HRNR: variants seen among roughly 807,000 people sequenced by gnomAD.
HRNR encodes the protein filaggrin family member 3.
Under a neutral mutation model 4.8 loss-of-function variants are expected in HRNR, and 7 were observed. That is an observed-to-expected ratio of 1.47 (90% CI 0.83 to 2.75). HRNR has a LOEUF of 2.75. Among genes scored for constraint, HRNR ranks in the 30% most tolerant of loss-of-function variants. The probability of loss-of-function intolerance (pLI) is 0.00; values close to 1 mark genes in which losing one functional copy is unlikely to be tolerated. For synonymous variants in HRNR, 1,023 were observed against 1,242.7 expected, an observed-to-expected ratio of 0.82 and a Z score of 3.72; for missense variants, 2,879 against 3,010.4, an observed-to-expected ratio of 0.96 and a Z score of 1.02.
Position 152,218,720 on chromosome 1 carries a change from C to T in HRNR, c.2909G>A (p.Ser970Asn). Reference sequence around the variant, plus strand: ...ACCTGAGCTAGATCCATGTTGTTCGCTCCTAGATGACTGTCCTGACCTAGA... The same window carrying T: ...ACCTGAGCTAGATCCATGTTGTTCGTTCCTAGATGACTGTCCTGACCTAGA... Reference protein sequence around the residue: ...HGSRSGQSSRSEQHGSSSGSS... With the variant: ...HGSRSGQSSRNEQHGSSSGSS... The change falls in exon 3 of 3, where the codon AGC (serine) becomes AAC (asparagine). Residue 970 changes from serine to asparagine, a missense_variant. Transcript: ENST00000368801. 6.8e-6 allele frequency: 11 copies of T among 1,613,592 alleles called. No individual in the cohort carries two copies. Among genetic ancestry groups the T allele is most frequent in the South Asian group, 1.1e-5 (1 of 91,032 alleles).
chr1:152,219,865 C>A lies in HRNR; in HGVS notation c.1764G>T (p.Glu588Asp), dbSNP rs768056179. Residue 588 changes from glutamate (E) to aspartate (D), a missense_variant, in exon 3 of 3, where the codon GAG (glutamate) becomes GAT (aspartate). Coordinates refer to ENST00000368801, the MANE Select transcript of HRNR (RefSeq NM_001009931.3). ...SGHSSGLGHQ[E>D]SRSGQSSGYG... ...AGCCAGAGGACTGTCCTGAGCGAGA[C>A]TCTTGGTGACCTAAGCCAGAAGAGT... 3.1e-6 allele frequency: 5 copies of A among 1,613,862 alleles called. No individual in the cohort carries two copies. The highest frequency in any genetic ancestry group is 4.5e-5 in the East Asian group (2 of 44,822).
chr1:152,219,302 G>A lies in HRNR; in HGVS notation c.2327C>T (p.Pro776Leu). ...ACTGGACCCATGTCGGACACGGCTAGGAGAGTGGCCAGATCCAGACCCTTG... is the reference window on the plus strand; with the variant it reads ...ACTGGACCCATGTCGGACACGGCTAAGAGAGTGGCCAGATCCAGACCCTTG... ...GRQGSGSGHS[P>L]SRVRHGSSSG... is the part of the protein sequence containing the mutation. The change falls in exon 3 of 3, where the codon CCT (proline) becomes CTT (leucine). Residue 776 changes from proline (P) to leucine (L), a missense_variant. By Grantham distance (98) the Pro-to-Leu change is moderately conservative. Transcript: ENST00000368801. 1 of 1,613,768 alleles carries A rather than the reference G, an allele frequency of 6.2e-7. No homozygotes were observed. The highest frequency in any genetic ancestry group is 1.1e-5 in the South Asian group (1 of 91,070).
At position 152,218,625 on chromosome 1, in the gene HRNR, C is replaced by G. The variant is rs770838563; in HGVS notation, c.3004G>C (p.Gly1002Arg). The G allele has an allele frequency of 5.0e-5, 81 of 1,613,680 alleles. 2 individuals are homozygous for G. The Middle Eastern group carries it at 6.9e-3, about 138-fold the overall frequency. Residue 1002 changes from glycine (G) to arginine (R), a missense_variant, in exon 3 of 3, where the codon GGA (glycine) becomes CGA (arginine). Around this residue, in one of 8 missense-constraint regions of HRNR, gnomAD observed 2,646 missense variants for 1,377.7 expected, o/e 1.92. Transcript: ENST00000368801. ...CTAGGGCTAGGAGACTGGCCAGATC[C>G]AGACCCATGTTGGCCGTGGCCCAAA... The part of the protein sequence containing the change: ...QSLGHGQHGS[G>R]SGQSPSPSRG...
At position 152,221,026 on chromosome 1, in the gene HRNR, C is replaced by G. The variant is rs1312786995; in HGVS notation, c.603G>C (p.Gln201His). 3.1e-6 allele frequency: 5 copies of G among 1,614,050 alleles called. No individual in the cohort carries two copies. The highest frequency in any genetic ancestry group is 4.2e-6 in the Non-Finnish European group (5 of 1,180,040). ...GRGQCGSGSG[Q>H]SPNYGQHGSG... ...AGCCGTGTTGGCCATAGTTGGGAGA[C>G]TGCCCTGACCCAGACCCACATTGGC... is the stretch of plus-strand genomic sequence containing the variant. Residue 201 changes from glutamine to histidine, a missense_variant, in exon 3 of 3, where the codon CAG (glutamine) becomes CAC (histidine). By Grantham distance (24) the Gln-to-His change is conservative. Around this residue, in one of 8 missense-constraint regions of HRNR, gnomAD observed 2,646 missense variants for 1,377.7 expected, o/e 1.92. Coordinates refer to ENST00000368801, the MANE Select transcript of HRNR (RefSeq NM_001009931.3).
chr1:152,218,975 G>T lies in HRNR; in HGVS notation c.2654C>A (p.Ser885Tyr). 6.2e-7 allele frequency: 1 copy of T among 1,608,736 alleles called. No individual in the cohort carries two copies. Among genetic ancestry groups the T allele is most frequent in the Non-Finnish European group, 8.5e-7 (1 of 1,179,898 alleles). The change falls in exon 3 of 3, where the codon TCT becomes TAT. Residue 885 changes from serine to tyrosine, a missense_variant. By Grantham distance (144) the Ser-to-Tyr change is moderately radical. Coordinates refer to ENST00000368801, the MANE Select transcript of HRNR (RefSeq NM_001009931.3). ...HHASGRGRHGSGSGQSPGHGQ... is the reference protein window; with the variant it reads ...HHASGRGRHGYGSGQSPGHGQ... The stretch of plus-strand genomic sequence containing the variant: ...GTGGCCTGGAGACTGGCCAGATCCA[G>T]AGCCATGTCGGCCGCGGCCCGAAGC...
At position 152,221,478 on chromosome 1, in the gene HRNR, G is replaced by C; in HGVS notation, c.151C>G (p.Pro51Ala). The change falls in exon 3 of 3, where the codon CCA becomes GCA. Residue 51 changes from proline (P) to alanine (A), a missense_variant. Around this residue, in one of 8 missense-constraint regions of HRNR, gnomAD observed 2,646 missense variants for 1,377.7 expected, o/e 1.92. Transcript: ENST00000368801. ...FHQILKNPNDPDTVDIILQSL... is the reference protein window; with the variant it reads ...FHQILKNPNDADTVDIILQSL... ...TGCAAGATGATATCCACAGTATCTG[G>C]ATCGTTTGGATTCTGTATAAGAGAA... The C allele has an allele frequency of 5.6e-6, 9 of 1,598,882 alleles. No homozygotes were observed. Among genetic ancestry groups the C allele is most frequent in the Non-Finnish European group, 7.7e-6 (9 of 1,171,670 alleles).
Position 152,218,477 on chromosome 1 carries a change from C to T in HRNR, c.3152G>A (p.Gly1051Asp). The part of the protein sequence containing the change: ...ESGSGHSSGL[G>D]HRESRSGQSS... Reference sequence around the variant, plus strand: ...CTGTCCTGAGCGAGACTCTCGGTGACCTAAGCCAGAAGAGTGACCGGAGCC... The same window carrying T: ...CTGTCCTGAGCGAGACTCTCGGTGATCTAAGCCAGAAGAGTGACCGGAGCC... Residue 1051 changes from glycine (G) to aspartate (D), a missense_variant, in exon 3 of 3, where the codon GGT becomes GAT. By Grantham distance (94) the Gly-to-Asp change is moderately conservative. Coordinates refer to ENST00000368801, the MANE Select transcript of HRNR (RefSeq NM_001009931.3). The T allele has an allele frequency of 1.2e-6, 2 of 1,613,616 alleles. No individual in the cohort carries two copies. Among genetic ancestry groups the T allele is most frequent in the South Asian group, 1.1e-5 (1 of 91,042 alleles).
In HRNR at chr1:152,219,744, T is replaced by C. The variant is rs1648870937; in HGVS notation, c.1885A>G (p.Thr629Ala). The change falls in exon 3 of 3, where the codon ACC becomes GCC. Residue 629 changes from threonine to alanine, a missense_variant. By Grantham distance (58) the Thr-to-Ala change is moderately conservative. Around this residue, in one of 8 missense-constraint regions of HRNR, gnomAD observed 2,646 missense variants for 1,377.7 expected, o/e 1.92. Coordinates refer to ENST00000368801, the MANE Select transcript of HRNR (RefSeq NM_001009931.3). The part of the protein sequence containing the change: ...QSSSCGQHGA[T>A]SGQSSSHGQH... ...CCGTGGCTGGAAGACTGACCTGAGGTAGCTCCATGTTGGCCACAGCTCGAT... is the reference window on the plus strand; with the variant it reads ...CCGTGGCTGGAAGACTGACCTGAGGCAGCTCCATGTTGGCCACAGCTCGAT... The C allele has an allele frequency of 3.1e-6, 5 of 1,613,148 alleles. No individual in the cohort carries two copies. The highest frequency in any genetic ancestry group is 3.3e-4 in the Middle Eastern group (2 of 6,080).
intron 1 of HRNR, 75 bp from the exon 2 acceptor site, chr1:152,223,353 AT>A: frequency 5.8e-6 from 5 of 862,470 alleles, no homozygotes; most frequent in Non-Finnish European, 8.7e-6. Flanking sequence ...AGTTCTAATT[AT>A]TTATAATAAT....
In HRNR at chr1:152,218,895, C is replaced by G. The variant is rs200577759; in HGVS notation, c.2734G>C (p.Gly912Arg). The change falls in exon 3 of 3, where the codon GGC becomes CGC. Residue 912 changes from glycine (G) to arginine (R), a missense_variant. Transcript: ENST00000368801. Reference protein sequence around the residue: ...QSPSYGRHGSGSGRSSSSGRH... With the variant: ...QSPSYGRHGSRSGRSSSSGRH... ...CCACTGCTGGAAGACCGACCGGAGC[C>G]AGACCCATGTCGGCCATAGCTGGGA... is the stretch of plus-strand genomic sequence containing the variant. 1.6e-4 allele frequency: 262 copies of G among 1,613,986 alleles called. 5 individuals carry two copies. The East Asian group carries it at 5.4e-3, about 33-fold the overall frequency.
Position 152,219,338 on chromosome 1 carries a change from C to T in HRNR, c.2291G>A (p.Gly764Asp). The change falls in exon 3 of 3, where the codon GGC (glycine) becomes GAC (aspartate). Residue 764 changes from glycine to aspartate, a missense_variant. By Grantham distance (94) the Gly-to-Asp change is moderately conservative. Coordinates refer to ENST00000368801, the MANE Select transcript of HRNR (RefSeq NM_001009931.3). ...QHGSGSHQSSGHGRQGSGSGH... is the reference protein window; with the variant it reads ...QHGSGSHQSSDHGRQGSGSGH... ...AGATCCAGACCCTTGTCGGCCGTGG[C>T]CCGAAGATTGATGGGAGCCCGACCC... The T allele has an allele frequency of 6.2e-7, 1 of 1,613,564 alleles. No individual in the cohort carries two copies. Among genetic ancestry groups the T allele is most frequent in the East Asian group, 2.2e-5 (1 of 44,810 alleles).
At position 152,212,359 on chromosome 1, in the gene HRNR, A is replaced by C. The variant is rs1430379338; in HGVS notation, c.*717T>G. 2.0e-5 allele frequency: 3 copies of C among 152,136 alleles called. No homozygotes were observed. Among genetic ancestry groups the C allele is most frequent in the African/African-American group, 7.2e-5 (3 of 41,420 alleles). The allele number at this position is 152,136 out of a possible 1,614,324, so 9.4% of individuals were successfully genotyped here. On this transcript the variant is annotated 3_prime_UTR_variant, in exon 3 of 3. Transcript: ENST00000368801. Reference sequence around the variant, plus strand: ...GAGCAAGATCTTTCTGCTGAAAACAAGCTAAAGCCCACATTTGAATGTTTT... The same window carrying C: ...GAGCAAGATCTTTCTGCTGAAAACACGCTAAAGCCCACATTTGAATGTTTT...
Position 152,212,819 on chromosome 1 carries a change from AG to A in HRNR, c.*256del. On this transcript the variant is annotated 3_prime_UTR_variant, in exon 3 of 3. Coordinates refer to ENST00000368801, the MANE Select transcript of HRNR (RefSeq NM_001009931.3). ...TTAAAAGCTTTTCATTATTCCTCAAAGTTTAACCCTCATTCTAACAAGTTAT... is the reference window on the plus strand; with the variant it reads ...TTAAAAGCTTTTCATTATTCCTCAAATTTAACCCTCATTCTAACAAGTTAT... 1.9e-6 allele frequency: 1 copy of A among 534,176 alleles called. No individual in the cohort carries two copies. Among genetic ancestry groups the A allele is most frequent in the East Asian group, 3.3e-5 (1 of 29,988 alleles). 33.1% of individuals were successfully genotyped at this position (534,176 alleles called of 1,614,324 possible).
In HRNR at chr1:152,218,494, A is replaced by G. The variant is rs1378675677; in HGVS notation, c.3135T>C (p.Gly1045=). 3 of 1,613,394 alleles carry G rather than the reference A, an allele frequency of 1.9e-6. No individual in the cohort carries two copies. Among genetic ancestry groups the G allele is most frequent in the Admixed American group, 1.7e-5 (1 of 59,984 alleles). ...CTCGGTGACCTAAGCCAGAAGAGTG[A>G]CCGGAGCCAGACTCATATGGGCCAC... ...SSRGPYESGS[G]HSSGLGHRES... The change falls in exon 3 of 3, where the codon GGT becomes GGC. Residue 1045 remains glycine (G), a synonymous_variant. Transcript: ENST00000368801.
In HRNR at chr1:152,219,655, C is replaced by T; in HGVS notation, c.1974G>A (p.Gln658=). The change falls in exon 3 of 3, where the codon CAG becomes CAA. Residue 658 remains glutamine, a synonymous_variant. Transcript: ENST00000368801. ...ACCCATGTCGGCCGCGACTAGGAGA[C>T]TGGCCAGATCCAGAGCCCTGTTGGC... ...RYGQQGSGSG[Q]SPSRGRHGSD... 8 of 1,613,082 alleles carry T rather than the reference C, an allele frequency of 5.0e-6. No individual in the cohort carries two copies. The highest frequency in any genetic ancestry group is 6.8e-6 in the Non-Finnish European group (8 of 1,179,404).
chr1:152,223,307 C>A, intron 1 of HRNR, 29 bp from the exon 2 acceptor site: 1 of 1,356,440 alleles, frequency 7.4e-7, no homozygotes, highest in Admixed American at 2.0e-5. Context: ...GAGACCAACC[C>A]CTTACTATTC....
chr1:152,220,123 A>C lies in HRNR; in HGVS notation c.1506T>G (p.Ser502=). The C allele has an allele frequency of 6.2e-7, 1 of 1,613,326 alleles. No individual in the cohort carries two copies. The highest frequency in any genetic ancestry group is 8.5e-7 in the Non-Finnish European group (1 of 1,179,518). ...CACTAGATCCTTGTCGTTCACCCCT[A>C]GATGACTGTCCTGACCTAGAGCCGT... is the stretch of plus-strand genomic sequence containing the variant. The part of the protein sequence containing the change: ...GQHGSRSGQS[S]RGERQGSSAG... Residue 502 remains serine, a synonymous_variant, in exon 3 of 3, where the codon TCT becomes TCG. Coordinates refer to ENST00000368801, the MANE Select transcript of HRNR (RefSeq NM_001009931.3).
chr1:152,220,537 A>T lies in HRNR; in HGVS notation c.1092T>A (p.His364Gln), dbSNP rs765482568. Residue 364 changes from histidine (H) to glutamine (Q), a missense_variant, in exon 3 of 3, where the codon CAT (histidine) becomes CAA (glutamine). His to Gln is a conservative substitution (Grantham distance 24, BLOSUM62 0). This residue lies in a region of HRNR where 2,646 missense variants were observed against 1,377.7 expected (regional missense o/e 1.92). Transcript: ENST00000368801. ...GSGQSSGYSKHGSGSGHSSSQ... is the reference protein window; with the variant it reads ...GSGQSSGYSKQGSGSGHSSSQ... ...TAGAGGAGTGACCTGAGCCAGAACCATGCTTACTATAGCCAGAGGACTGTC... is the reference window on the plus strand; with the variant it reads ...TAGAGGAGTGACCTGAGCCAGAACCTTGCTTACTATAGCCAGAGGACTGTC... 24 of 1,611,610 alleles carry T rather than the reference A, an allele frequency of 1.5e-5. No homozygotes were observed. Among genetic ancestry groups the T allele is most frequent in the Middle Eastern group, 3.3e-4 (2 of 6,056 alleles).
At position 152,212,732 on chromosome 1, in the gene HRNR, G is replaced by T; in HGVS notation, c.*344C>A. 3.2e-6 allele frequency: 1 copy of T among 310,696 alleles called. No individual in the cohort carries two copies. The highest frequency in any genetic ancestry group is 4.6e-5 in the South Asian group (1 of 21,544). 19.2% of individuals were successfully genotyped at this position (310,696 alleles called of 1,614,324 possible). On this transcript the variant is annotated 3_prime_UTR_variant, in exon 3 of 3. Transcript: ENST00000368801. ...TCTAAGAAATGTAAGGTTAGCTTTG[G>T]CACCATCTATAAATGAATGATGAGC... is the stretch of plus-strand genomic sequence containing the variant.
Sources: gnomAD v4.1 joint callset for allele counts on GRCh38, gnomAD v4.1.1 for gene constraint, gnomAD v4.1.1 regional missense constraint, MANE v1.5 for transcripts, NCBI Gene and HGNC (gene_info 2026-07-23, HGNC 2026-07-21) for gene names.